ZNF804B: variants seen among roughly 807,000 people sequenced by gnomAD.
The protein encoded by ZNF804B is zinc finger 804B.
In ZNF804B, 80 loss-of-function variants were observed where a neutral mutation model predicts 101.4. The observed-to-expected ratio is 0.79, with a 90% CI of 0.66 to 0.95. ZNF804B has a LOEUF of 0.95. ZNF804B is among the 40% of genes least tolerant of loss of function. ZNF804B has a pLI of 0.00. For missense variants in ZNF804B, 1,673 were observed against 1,561.9 expected (o/e 1.07, Z -1.20); for synonymous variants, 622 against 558.8 (o/e 1.11, Z -1.59).
intron 2 of ZNF804B, among the ~76,000 whole-genome samples, chr7:89,279,222 A>C (rs1790039952): frequency 1.3e-5 from 2 of 152,088 alleles, no homozygotes; most frequent in South Asian, 4.1e-4. Flanking sequence ...ACTTTGCTGA[A>C]GTTGCTTATC....
intron 1 of ZNF804B, among the ~76,000 whole-genome samples, chr7:89,119,131 A>T (rs1420891804): frequency 6.6e-6 from 1 of 152,190 alleles, no homozygotes; most frequent in Non-Finnish European, 1.5e-5. Flanking sequence ...GCACTGGGCT[A>T]GCCCCTTGAC....
intron 1 of ZNF804B, among the ~76,000 whole-genome samples, chr7:88,892,415 T>C (rs748514476): frequency 1.3e-5 from 2 of 152,144 alleles, no homozygotes; most frequent in Non-Finnish European, 2.9e-5. Context: ...AGTATCTTTC[T>C]AGCTTTATAA....
intron 1 of ZNF804B, among the ~76,000 whole-genome samples, chr7:89,165,223 G>A (rs892663825): frequency 2.0e-5 from 3 of 151,980 alleles, no homozygotes; most frequent in Non-Finnish European, 4.4e-5. Flanking sequence ...GAAATTTTAA[G>A]CATAATTGGG....
chr7:88,931,070 AT>A (rs980919821), intron 1 of ZNF804B, among the ~76,000 whole-genome samples: 16 of 151,798 alleles, frequency 1.1e-4, no homozygotes, highest in African/African-American at 3.9e-4. Context: ...GGCTCAGGGG[AT>A]TTTGATGTGC....
intron 1 of ZNF804B, among the ~76,000 whole-genome samples, chr7:88,776,489 C>G (rs1269275877): frequency 6.7e-6 from 1 of 149,578 alleles, no homozygotes; most frequent in African/African-American, 2.5e-5. Flanking sequence ...GTGTGCCCTA[C>G]TTTCCTGGTA....
rs555355099 is a variant in ZNF804B at position 88,982,199 on chromosome 7, G to A, written c.108+222115G>A. Among the ~76,000 whole-genome samples the A allele has an allele frequency of 1.6e-4, 25 of 151,918 alleles. 2 individuals are homozygous for A. The highest frequency in any genetic ancestry group is 5.3e-4 in the African/African-American group (22 of 41,452). On this transcript the variant is annotated intron_variant, in intron 1 of 3. Transcript: ENST00000333190. ...TGGCTGCCCATCCATACCAGCCAGC[G>A]GTCTTCTATACTCTATTGAATGCAG...
At chr7:89,091,534 G>A (rs1789886816) in intron 1 of ZNF804B, among the ~76,000 whole-genome samples, 1 of 152,112 alleles carries the variant, frequency 6.6e-6, no homozygotes, top group South Asian at 2.1e-4. Context: ...AAAAGTGTGT[G>A]CAAAAGGGAA....
chr7:89,046,205 T>C (rs1289406531), intron 1 of ZNF804B, among the ~76,000 whole-genome samples: 2 of 152,066 alleles, frequency 1.3e-5, no homozygotes, highest in Non-Finnish European at 2.9e-5. Flanking sequence ...GTAAGTTTAC[T>C]GAGGCCTCCC....
At chr7:89,088,956 T>G (rs1188646473) in intron 1 of ZNF804B, among the ~76,000 whole-genome samples, 1 of 151,958 alleles carries the variant, frequency 6.6e-6, no homozygotes, top group Non-Finnish European at 1.5e-5. Context: ...TCTTTATATT[T>G]GCTATTCCAC....
chr7:89,332,216 G>A (rs531034462), intron 3 of ZNF804B, among the ~76,000 whole-genome samples: 1 of 151,696 alleles, frequency 6.6e-6, no homozygotes, highest in Non-Finnish European at 1.5e-5. Context: ...GTGGACAAAA[G>A]GAATGTGATG....
rs563786175 is a variant in ZNF804B, at chr7:88,948,287, G to A, written c.108+188203G>A. 5.1e-4 allele frequency among the ~76,000 whole-genome samples: 74 copies of A among 145,976 alleles called. No individual in the cohort carries two copies. In the South Asian group the frequency reaches 0.01, roughly 21 times the overall value. The stretch of plus-strand genomic sequence containing the variant: ...TCGCCTCAGCACAGAAACAACCTTC[G>A]TGTACTAGCCACCCATCCATTTTTT... On this transcript the variant is annotated intron_variant, in intron 1 of 3. Coordinates refer to ENST00000333190, the MANE Select transcript of ZNF804B (RefSeq NM_181646.5).
At chr7:89,323,183 G>C (rs1252753690) in intron 2 of ZNF804B, among the ~76,000 whole-genome samples, 1 of 152,196 alleles carries the variant, frequency 6.6e-6, no homozygotes, top group African/African-American at 2.4e-5. Context: ...CACTGGATCT[G>C]TCTGCAGGCA....
rs1025441813 is a variant in ZNF804B at position 88,777,674 on chromosome 7, C to T, written c.108+17590C>T. On this transcript the variant is annotated intron_variant, in intron 1 of 3. Coordinates refer to ENST00000333190, the MANE Select transcript of ZNF804B (RefSeq NM_181646.5). ...CCTGGCCTGGCCAACATGGTGAAAC[C>T]CCATCTCTACTAAAAATATAAAAAT... Among the ~76,000 whole-genome samples, 7 of 151,792 alleles carry T rather than the reference C, an allele frequency of 4.6e-5. No individual in the cohort carries two copies. The East Asian group carries it at 7.8e-4, about 17-fold the overall frequency.
chr7:88,850,011 A>G (rs1385858838), intron 1 of ZNF804B, among the ~76,000 whole-genome samples: 1 of 152,100 alleles, frequency 6.6e-6, no homozygotes, highest in Admixed American at 6.6e-5. Flanking sequence ...ACTTTTTTCC[A>G]CAAGCCCAGG....
At chr7:89,207,292 A>G (rs1315270933) in intron 1 of ZNF804B, among the ~76,000 whole-genome samples, 3 of 152,226 alleles carry the variant, frequency 2.0e-5, no homozygotes, top group African/African-American at 7.2e-5. Context: ...TAATTGACTC[A>G]CAGTTCCACA....
intron 2 of ZNF804B, among the ~76,000 whole-genome samples, chr7:89,312,637 T>G (rs540620034): frequency 7.2e-5 from 11 of 152,082 alleles, no homozygotes; most frequent in Admixed American, 1.3e-4. Context: ...ACATGGGAGA[T>G]CTTTTAAAAA....
At position 88,814,697 on chromosome 7, in the gene ZNF804B, G is replaced by A. The variant is rs1395896639; in HGVS notation, c.108+54613G>A. On this transcript the variant is annotated intron_variant, in intron 1 of 3. Coordinates refer to ENST00000333190, the MANE Select transcript of ZNF804B (RefSeq NM_181646.5). ...GACAATTTTCTAATTTAAAAAATGG[G>A]AATAGATGCCAATGCCTACCTAAAG... Among the ~76,000 whole-genome samples, 3 of 152,084 alleles carry A rather than the reference G, an allele frequency of 2.0e-5. No homozygotes were observed. In the East Asian group the frequency reaches 5.8e-4, roughly 29 times the overall value.
At chr7:89,301,340 A>C (rs1018139324) in intron 2 of ZNF804B, among the ~76,000 whole-genome samples, 2 of 151,586 alleles carry the variant, frequency 1.3e-5, no homozygotes, top group African/African-American at 4.8e-5. Context: ...TGATCTTGAC[A>C]GGACAATGCA....
chr7:88,840,809 TGAGAAAACAG>T, intron 1 of ZNF804B, among the ~76,000 whole-genome samples: 1 of 152,064 alleles, frequency 6.6e-6, no homozygotes, highest in Non-Finnish European at 1.5e-5. Context: ...TCTTAATGAG[TGAGAAAACAG>T]CTCAAAGTAC....
Sources: gnomAD v4.1 joint callset for allele counts (sites outside exome capture counted in the v4.1 genomes callset) on GRCh38, gnomAD v4.1.1 for gene constraint, MANE v1.5 for transcripts, NCBI Gene and HGNC (gene_info 2026-07-23, HGNC 2026-07-21) for gene names.